LCP1: variants seen among roughly 807,000 people sequenced by gnomAD.
The protein encoded by LCP1 is lymphocyte cytosolic protein 1.
Under a neutral mutation model 72.0 loss-of-function variants are expected in LCP1, and 23 were observed. That is an observed-to-expected ratio of 0.32 (90% CI 0.23 to 0.45). LCP1 has a LOEUF of 0.45. LCP1 is among the 20% of genes least tolerant of loss of function. The pLI, the probability that LCP1 is intolerant of heterozygous loss-of-function variation, is 1.00. For synonymous variants in LCP1, 245 were observed against 275.4 expected, an observed-to-expected ratio of 0.89 and a Z score of 1.09; for missense variants, 571 against 748.3, an observed-to-expected ratio of 0.76 and a Z score of 2.76.
intron 1 of LCP1, among the ~76,000 whole-genome samples, chr13:46,176,197 G>A (rs1181431791): frequency 6.6e-6 from 1 of 152,142 alleles, no homozygotes; most frequent in African/African-American, 2.4e-5. Context: ...CTAGAAGAGA[G>A]GCGATTGAAT....
chr13:46,175,038 A>G (rs2209091), intron 1 of LCP1, among the ~76,000 whole-genome samples: 9,506 of 152,216 alleles, frequency 0.062, 367 homozygotes, highest in South Asian at 0.083. Flanking sequence ...GAAAGGTGTG[A>G]ATCTTGACTC....
At chr13:46,146,525 C>A (rs564267469) in intron 10 of LCP1, among the ~76,000 whole-genome samples, 103 of 152,222 alleles carry the variant, frequency 6.8e-4, no homozygotes, top group Middle Eastern at 6.8e-3. Flanking sequence ...TCCCAGCATA[C>A]CTTAAATATC....
At chr13:46,129,821 A>T (rs1203700773) in intron 15 of LCP1, among the ~76,000 whole-genome samples, 3 of 152,146 alleles carry the variant, frequency 2.0e-5, no homozygotes, top group Non-Finnish European at 4.4e-5. Context: ...CCCTAGTTGG[A>T]AAGAGGGTTG....
At chr13:46,181,585 CAAAT>C (rs1268927305) in intron 1 of LCP1, among the ~76,000 whole-genome samples, 1 of 152,124 alleles carries the variant, frequency 6.6e-6, no homozygotes, top group African/African-American at 2.4e-5. Flanking sequence ...AAAAATCACT[CAAAT>C]AACCAGTATC....
chr13:46,144,361 C>A (rs1437457675), intron 11 of LCP1, 81 bp downstream of exon 11: 32 of 1,051,540 alleles, frequency 3.0e-5, no homozygotes, highest in Non-Finnish European at 3.6e-5. Context: ...GAAGAGAATG[C>A]ACATCATAGT....
intron 8 of LCP1, among the ~76,000 whole-genome samples, chr13:46,149,035 A>G (rs2045747472): frequency 6.6e-6 from 1 of 152,220 alleles, no homozygotes; most frequent in Admixed American, 6.5e-5. Flanking sequence ...GATTAGATAC[A>G]GGTATTGAAT....
At chr13:46,146,100 G>T (rs147751680) in intron 10 of LCP1, among the ~76,000 whole-genome samples, 1 of 152,142 alleles carries the variant, frequency 6.6e-6, no homozygotes, top group Non-Finnish European at 1.5e-5. Flanking sequence ...TGATTTGTGG[G>T]CTTGATATAT....
chr13:46,153,810 G>C (rs994311531), intron 6 of LCP1, among the ~76,000 whole-genome samples: 3 of 152,066 alleles, frequency 2.0e-5, no homozygotes, highest in Admixed American at 2.0e-4. Flanking sequence ...GTAATAACTA[G>C]GGAACCTGAG....
intron 4 of LCP1, 148 bp downstream of exon 4, chr13:46,158,374 C>T: frequency 3.9e-6 from 3 of 766,600 alleles, no homozygotes; most frequent in Non-Finnish European, 6.2e-6. Context: ...ATTATGTACC[C>T]AGAACTGACC....
intron 12 of LCP1, 68 bp downstream of exon 12, chr13:46,143,222 T>C: frequency 9.6e-7 from 1 of 1,040,446 alleles, no homozygotes. Flanking sequence ...CCTTATAAAG[T>C]ATTTAGAGTG....
intron 12 of LCP1, chr13:46,142,838 GCATGGAT>G (rs2045706619): frequency 2.2e-6 from 1 of 449,430 alleles, no homozygotes; most frequent in Non-Finnish European, 4.4e-6. Context: ...CTGTAGCTAC[GCATGGAT>G]CATTAACAGT....
intron 6 of LCP1, 89 bp from the exon 7 acceptor site, chr13:46,153,034 T>C: frequency 2.3e-6 from 3 of 1,280,942 alleles, no homozygotes; most frequent in South Asian, 1.5e-5. Context: ...GTTTTCCTTC[T>C]GCGAAGGTCA....
intron 2 of LCP1, chr13:46,159,190 C>T: frequency 5.2e-6 from 3 of 577,158 alleles, no homozygotes. Flanking sequence ...TCAACATCCA[C>T]AGTAAAAGAG....
intron 13 of LCP1, among the ~76,000 whole-genome samples, chr13:46,138,232 A>G (rs1014686350): frequency 7.2e-6 from 1 of 138,722 alleles, no homozygotes; most frequent in Non-Finnish European, 1.6e-5. Flanking sequence ...GGAAAAAATG[A>G]CAAGCCATTT....
At chr13:46,157,993 C>A (rs534406620) in intron 4 of LCP1, among the ~76,000 whole-genome samples, 1 of 152,110 alleles carries the variant, frequency 6.6e-6, no homozygotes, top group South Asian at 2.1e-4. Context: ...TCCCAAAGTG[C>A]TGGGATTACA....
At position 46,147,889 on chromosome 13, in the gene LCP1, A is replaced by T. The variant is rs577661392; in HGVS notation, c.978+463T>A. Among the ~76,000 whole-genome samples, 78 of 152,288 alleles carry T rather than the reference A, an allele frequency of 5.1e-4. 2 individuals carry two copies. In the South Asian group the frequency reaches 0.013, roughly 26 times the overall value. On this transcript the variant is annotated intron_variant, in intron 9 of 15. Coordinates refer to ENST00000323076, the MANE Select transcript of LCP1 (RefSeq NM_002298.5). Reference sequence around the variant, plus strand: ...GATAACGCTACACATTATGCATTTCATGAGCTTTACTTGTCATTTACTTTT... The same window carrying T: ...GATAACGCTACACATTATGCATTTCTTGAGCTTTACTTGTCATTTACTTTT...
chr13:46,156,968 C>T (rs897838531), intron 4 of LCP1, among the ~76,000 whole-genome samples: 2 of 151,612 alleles, frequency 1.3e-5, no homozygotes, highest in African/African-American at 4.8e-5. Flanking sequence ...CTACAGGCGC[C>T]CGCCACAACA....
chr13:46,153,270 T>C (rs7987733), intron 6 of LCP1: 168,988 of 180,686 alleles, frequency 0.94, 79,106 homozygotes, highest in African/African-American at 0.97. Flanking sequence ...AACATCTCTA[T>C]TGGCCAAAAA....
At chr13:46,130,490 T>G (rs528360803) in intron 15 of LCP1, among the ~76,000 whole-genome samples, 1 of 152,212 alleles carries the variant, frequency 6.6e-6, no homozygotes, top group African/African-American at 2.4e-5. Context: ...TGCATTCTTA[T>G]CCATGAATAT....
Sources: gnomAD v4.1 joint callset for allele counts (sites outside exome capture counted in the v4.1 genomes callset) on GRCh38, gnomAD v4.1.1 for gene constraint, MANE v1.5 for transcripts, NCBI Gene and HGNC (gene_info 2026-07-23, HGNC 2026-07-21) for gene names.